The following BAG6 variants were observed in gnomAD, a reference collection of about 807,000 sequenced individuals.
BAG6 encodes the protein BAG cochaperone 6, also known as large proline-rich protein BAG6.
BAG6 carries 22 observed loss-of-function variants against 121.0 expected under a neutral mutation model. The ratio of observed to expected loss-of-function variants is 0.18; its 90% CI spans 0.13 to 0.26. BAG6 has a LOEUF of 0.26. BAG6 is among the 10% of genes least tolerant of loss of function. BAG6 has a pLI of 1.00. For missense variants in BAG6, 1,233 were observed against 1,537.7 expected (o/e 0.80, Z 3.31); for synonymous variants, 583 against 584.6 (o/e 1.00, Z 0.04).
In BAG6 at chr6:31,645,251, A is replaced by G. The variant is rs1461276503; in HGVS notation, c.1117-53T>C. 1.9e-6 allele frequency: 3 copies of G among 1,599,634 alleles called. No individual in the cohort carries two copies. The Admixed American group carries it at 5.3e-5, about 28-fold the overall frequency. On this transcript the variant is annotated intron_variant, in intron 9 of 25. Transcript: ENST00000676615. The stretch of plus-strand genomic sequence containing the variant: ...GTGAGAAAAATACAAGAGCCTAACC[A>G]AGAAAACCTCATGATAAACCTCTAA...
Position 31,640,810 on chromosome 6 carries a change from C to A in BAG6, c.2916G>T (p.Arg972Ser), listed in dbSNP as rs773588977. The change falls in exon 21 of 26, where the codon AGG becomes AGT. Residue 972 changes from arginine (R) to serine (S), a missense_variant. This residue lies in a region of BAG6 where 288 missense variants were observed against 483.1 expected (regional missense o/e 0.60). Coordinates refer to ENST00000676615, the MANE Select transcript of BAG6 (RefSeq NM_001387994.1). This position sits in a 1 kb window ranked among gnomAD's most constrained non-coding sequence, Gnocchi z 4.2. ...GPDAILRYVR[R>S]VGDPPQPLPE... ...CCCTTACCTGGGGGGGATCACCAACCCTGCGAACGTATCTGAGAATGGCAT... is the reference window on the plus strand; with the variant it reads ...CCCTTACCTGGGGGGGATCACCAACACTGCGAACGTATCTGAGAATGGCAT... The A allele has an allele frequency of 3.0e-5, 49 of 1,612,746 alleles. No homozygotes were observed. Among genetic ancestry groups the A allele is most frequent in the Non-Finnish European group, 4.1e-5 (48 of 1,180,020 alleles).
At position 31,649,394 on chromosome 6, in the gene BAG6, A is replaced by T. The variant is rs1583441215; in HGVS notation, c.228T>A (p.Asn76Lys). 6.2e-7 allele frequency: 1 copy of T among 1,602,974 alleles called. No homozygotes were observed. Among genetic ancestry groups the T allele is most frequent in the South Asian group, 1.1e-5 (1 of 89,890 alleles). ...LQDDKKLQEYNVGGKVIHLVE... is the reference protein window; with the variant it reads ...LQDDKKLQEYKVGGKVIHLVE... ...CCAGGTGGATAACCTTTCCCCCAAC[A>T]TCTGCAGAAAAATAGACACACACCA... Residue 76 changes from asparagine to lysine, a missense_variant and splice_region_variant, in exon 4 of 26, where the codon AAT becomes AAA. Around this residue, in one of 7 missense-constraint regions of BAG6, gnomAD observed 777 missense variants for 861.4 expected, o/e 0.90. Transcript: ENST00000676615.
Position 31,640,188 on chromosome 6 carries a change from G to T in BAG6, c.3246+11C>A, listed in dbSNP as rs1392574062. The stretch of plus-strand genomic sequence containing the variant: ...GATAGAGAGAGAGGCTTAGGGAAGA[G>T]GAAAACCAACCTTGCGTCTCTTGGC... On this transcript the variant is annotated intron_variant, in intron 24 of 25. Coordinates refer to ENST00000676615, the MANE Select transcript of BAG6 (RefSeq NM_001387994.1). This position sits in a 1 kb window ranked among gnomAD's most constrained non-coding sequence, Gnocchi z 4.2. 1.2e-6 allele frequency: 2 copies of T among 1,613,576 alleles called. No individual in the cohort carries two copies. Among genetic ancestry groups the T allele is most frequent in the African/African-American group, 2.7e-5 (2 of 74,892 alleles).
chr6:31,644,737 G>T lies in BAG6; in HGVS notation c.1370-135C>A. On this transcript the variant is annotated intron_variant, in intron 10 of 25. Transcript: ENST00000676615. This position sits in a 1 kb window ranked among gnomAD's most constrained non-coding sequence, Gnocchi z 4.9. The stretch of plus-strand genomic sequence containing the variant: ...CTGCCTTTCCCTCCATCTAAACAGG[G>T]AGAGGTACTCCCTTCACCACACAAA... 1 of 1,247,344 alleles carries T rather than the reference G, an allele frequency of 8.0e-7. No individual in the cohort carries two copies. The highest frequency in any genetic ancestry group is 1.2e-6 in the Non-Finnish European group (1 of 861,848). 77.3% of individuals were successfully genotyped at this position (1,247,344 alleles called of 1,614,324 possible).
intron 25 of BAG6, 37 bp from the exon 26 acceptor site, chr6:31,639,263 G>A (rs765428729): frequency 1.3e-6 from 2 of 1,581,416 alleles, no homozygotes; most frequent in South Asian, 1.1e-5. Context: ...AGAAACGCTG[G>A]CCAAGTCCCC....
At chr6:31,651,831 G>A (rs1797135335) in intron 1 of BAG6, 55 bp from the exon 2 acceptor site, 38 of 1,334,166 alleles carry the variant, frequency 2.8e-5, no homozygotes, top group South Asian at 1.5e-4. Context: ...GAGTGTACCC[G>A]AAAGACTCCC....
At chr6:31,645,359 C>CT (rs749462591) in intron 9 of BAG6, 48 bp downstream of exon 9, 5 of 1,612,554 alleles carry the variant, frequency 3.1e-6, no homozygotes, top group Non-Finnish European at 4.2e-6. Context: ...CTGGGTCACT[C>CT]TATCAACACC....
At chr6:31,651,432 A>G (rs1796597633) in intron 2 of BAG6, among the ~76,000 whole-genome samples, 1 of 152,180 alleles carries the variant, frequency 6.6e-6, no homozygotes, top group Non-Finnish European at 1.5e-5. Context: ...CCAGCTACTC[A>G]GGAGGCTGAG....
intron 25 of BAG6, 85 bp downstream of exon 25, chr6:31,639,415 G>C: frequency 6.5e-7 from 1 of 1,547,282 alleles, no homozygotes; most frequent in Non-Finnish European, 8.8e-7. Context: ...AGGCTGACCA[G>C]TTCATCGCTG....
chr6:31,649,827 C>T (rs1296939143), intron 2 of BAG6, among the ~76,000 whole-genome samples, 200 bp from the exon 3 acceptor site: 2 of 152,238 alleles, frequency 1.3e-5, no homozygotes, highest in Admixed American at 6.5e-5. Flanking sequence ...TTTGGCTTGG[C>T]GCGGTGGCTC....
Position 31,645,033 on chromosome 6 carries a change from G to A in BAG6, c.1282C>T (p.Pro428Ser). The change falls in exon 10 of 26, where the codon CCC (proline) becomes TCC (serine). Residue 428 changes from proline (P) to serine (S), a missense_variant. Pro to Ser is a moderately conservative substitution (Grantham distance 74). Around this residue, in one of 7 missense-constraint regions of BAG6, gnomAD observed 777 missense variants for 861.4 expected, o/e 0.90. Coordinates refer to ENST00000676615, the MANE Select transcript of BAG6 (RefSeq NM_001387994.1). ...CTCGGGTGGCTGGTGGCTGGCGGGG[G>A]AGCTGGACCTGGCGGGGGAGCCCCC... ...AEGAPPPGPAPPPATSHPRVI... is the reference protein window; with the variant it reads ...AEGAPPPGPASPPATSHPRVI... The A allele has an allele frequency of 6.2e-7, 1 of 1,612,622 alleles. No individual in the cohort carries two copies. Among genetic ancestry groups the A allele is most frequent in the Non-Finnish European group, 8.5e-7 (1 of 1,179,806 alleles).
At position 31,644,506 on chromosome 6, in the gene BAG6, C is replaced by T. The variant is rs1416058615; in HGVS notation, c.1447+19G>A. 1 of 1,602,974 alleles carries T rather than the reference C, an allele frequency of 6.2e-7. No homozygotes were observed. The highest frequency in any genetic ancestry group is 1.7e-5 in the Admixed American group (1 of 59,136). The stretch of plus-strand genomic sequence containing the variant: ...TTCTCTACCCAGAGCTCAGCCTGCC[C>T]TGATGCCCTCACTCTTACCCAGGGT... On this transcript the variant is annotated intron_variant, in intron 11 of 25. Coordinates refer to ENST00000676615, the MANE Select transcript of BAG6 (RefSeq NM_001387994.1). The surrounding 1 kb of genome is among the most constrained non-coding windows in gnomAD (Gnocchi z 4.9).
At chr6:31,648,368 G>C (rs1219946741) in intron 6 of BAG6, among the ~76,000 whole-genome samples, 1 of 152,062 alleles carries the variant, frequency 6.6e-6, no homozygotes, top group Non-Finnish European at 1.5e-5. Context: ...AGAGATTGTG[G>C]TTTCCTTTCC....
chr6:31,640,774 G>A lies in BAG6; in HGVS notation c.2934+18C>T, dbSNP rs1338942321. On this transcript the variant is annotated intron_variant, in intron 21 of 25. Coordinates refer to ENST00000676615, the MANE Select transcript of BAG6 (RefSeq NM_001387994.1). The surrounding 1 kb of genome is among the most constrained non-coding windows in gnomAD (Gnocchi z 4.2). ...TTCTCTCAAGTACCCTGACCCCATC[G>A]CCCAACAGGTCCCTTACCTGGGGGG... 1.8e-5 allele frequency: 29 copies of A among 1,612,588 alleles called. No individual in the cohort carries two copies. The highest frequency in any genetic ancestry group is 2.2e-5 in the Non-Finnish European group (26 of 1,180,014).
intron 7 of BAG6, among the ~76,000 whole-genome samples, 192 bp downstream of exon 7, chr6:31,647,399 G>A (rs1790994918): frequency 6.6e-6 from 1 of 152,204 alleles, no homozygotes; most frequent in African/African-American, 2.4e-5. Flanking sequence ...CGTAGGGAGA[G>A]CAGCAGTTCT....
chr6:31,651,876 T>C, intron 1 of BAG6, 100 bp from the exon 2 acceptor site: 1 of 773,734 alleles, frequency 1.3e-6, no homozygotes, highest in Non-Finnish European at 2.2e-6. Context: ...CTAAAAAGTT[T>C]CTCCTGCACA....
chr6:31,644,810 C>T lies in BAG6; in HGVS notation c.1369+136G>A, dbSNP rs1470327286. 6.3e-6 allele frequency: 9 copies of T among 1,424,018 alleles called. No homozygotes were observed. The East Asian group carries it at 1.1e-4, about 18-fold the overall frequency. 88.2% of individuals were successfully genotyped at this position (1,424,018 alleles called of 1,614,324 possible). ...CCCCCACACCCCCCACATCTGTCTA[C>T]TTAAGCTTCTGCTCTGGTCCCCAGG... On this transcript the variant is annotated intron_variant, in intron 10 of 25. Transcript: ENST00000676615. The surrounding 1 kb of genome is among the most constrained non-coding windows in gnomAD (Gnocchi z 4.9).
intron 24 of BAG6, chr6:31,639,856 A>G: frequency 1.4e-6 from 1 of 695,888 alleles, no homozygotes; most frequent in Non-Finnish European, 2.3e-6. Context: ...ATGTGCTTGA[A>G]CGTGCTCTTC....
intron 4 of BAG6, 102 bp downstream of exon 4, chr6:31,649,097 T>C (rs988278112): frequency 4.2e-5 from 64 of 1,537,894 alleles, no homozygotes; most frequent in Non-Finnish European, 4.8e-5. Flanking sequence ...CAGGGCCCCC[T>C]GAACCCAATC....
Sources: allele counts gnomAD v4.1 joint callset (sites outside exome capture counted in the v4.1 genomes callset), GRCh38; gene constraint gnomAD v4.1.1; regional missense constraint gnomAD v4.1.1; non-coding constraint Gnocchi (gnomAD v3.1); transcripts MANE v1.5; gene names NCBI Gene and HGNC (gene_info 2026-07-23, HGNC 2026-07-21).